DNAJC11: variants seen among roughly 807,000 people sequenced by gnomAD.
DNAJC11 encodes the protein dnaJ homolog subfamily C member 11.
Under a neutral mutation model 78.6 loss-of-function variants are expected in DNAJC11, and 15 were observed. That is an observed-to-expected ratio of 0.19 (90% CI 0.13 to 0.29). The LOEUF is 0.29. DNAJC11 is among the 10% of genes least tolerant of loss of function. The pLI is 1.00. For synonymous variants in DNAJC11, 292 were observed against 272.1 expected (o/e 1.07, Z -0.72); for missense variants, 547 against 709.6 (o/e 0.77, Z 2.60).
chr1:6,673,738 C>T (rs142334405), intron 3 of DNAJC11, among the ~76,000 whole-genome samples: 109 of 152,254 alleles, frequency 7.2e-4, no homozygotes, highest in Middle Eastern at 3.4e-3. Flanking sequence ...AGGATCCAAT[C>T]CAAGATTCCA....
At position 6,691,650 on chromosome 1, in the gene DNAJC11, G is replaced by A. The variant is rs1642748119; in HGVS notation, c.72+10079C>T. Among the ~76,000 whole-genome samples the A allele has an allele frequency of 2.0e-5, 3 of 152,128 alleles. 1 individual carries two copies. Among genetic ancestry groups the A allele is most frequent in the Admixed American group, 2.0e-4 (3 of 15,278 alleles). ...ATCTCTATTGGCTTGGCATTTTACT[G>A]CTGAAGAATTTTCTGGCTCCTGTCA... On this transcript the variant is annotated intron_variant, in intron 1 of 15. Transcript: ENST00000377577.
chr1:6,640,124 T>TG (rs1359440340), intron 10 of DNAJC11, 67 bp from the exon 11 acceptor site: 27 of 1,469,652 alleles, frequency 1.8e-5, no homozygotes, highest in Non-Finnish European at 2.3e-5. Flanking sequence ...GGAAGGGCAA[T>TG]GGGGTGTCAG....
intron 3 of DNAJC11, chr1:6,668,132 ATTTC>A (rs967784024): frequency 1.2e-4 from 34 of 283,408 alleles, no homozygotes; most frequent in Middle Eastern, 1.1e-3. Context: ...CACCTTATGA[ATTTC>A]TTTCTTTTTT....
In DNAJC11 at chr1:6,637,348, CA is replaced by C. The variant is rs767722137; in HGVS notation, c.1382-9del. ...CATTGACGATGATGAGGCCTAAGGA[CA>C]GACTCCGAGTAGAGGAAGGCCTCCT... On this transcript the variant is annotated splice_polypyrimidine_tract_variant and intron_variant, in intron 13 of 15. Transcript: ENST00000377577. The C allele has an allele frequency of 6.2e-7, 1 of 1,614,232 alleles. No homozygotes were observed. Among genetic ancestry groups the C allele is most frequent in the Non-Finnish European group, 8.5e-7 (1 of 1,180,040 alleles).
chr1:6,664,988 G>C (rs1642273138), intron 4 of DNAJC11, among the ~76,000 whole-genome samples: 1 of 152,198 alleles, frequency 6.6e-6, no homozygotes, highest in African/African-American at 2.4e-5. Context: ...TCACGCACGG[G>C]ATACAGCCTG....
chr1:6,688,856 C>T (rs1234443577), intron 1 of DNAJC11, among the ~76,000 whole-genome samples: 1 of 152,198 alleles, frequency 6.6e-6, no homozygotes, highest in Non-Finnish European at 1.5e-5. Flanking sequence ...CTAATTTGGA[C>T]ACCCATCTGT....
At chr1:6,647,724 A>G (rs1287801642) in intron 7 of DNAJC11, among the ~76,000 whole-genome samples, 2 of 152,092 alleles carry the variant, frequency 1.3e-5, no homozygotes, top group Non-Finnish European at 2.9e-5. Flanking sequence ...AGGCTGAGGC[A>G]GAATAGCTTG....
intron 4 of DNAJC11, among the ~76,000 whole-genome samples, chr1:6,665,137 G>A (rs1272640233): frequency 2.0e-5 from 3 of 152,090 alleles, no homozygotes; most frequent in Non-Finnish European, 2.9e-5. Flanking sequence ...GTGCAATCAC[G>A]GCTCACTGCA....
intron 1 of DNAJC11, among the ~76,000 whole-genome samples, chr1:6,689,556 G>A (rs1347161410): frequency 1.3e-5 from 2 of 152,154 alleles, no homozygotes; most frequent in East Asian, 3.9e-4. Flanking sequence ...GGGATGCTGA[G>A]GCGAGCAGAT....
chr1:6,662,121 GTTTTTTGTTTTTTGT>G (rs1557476661), intron 4 of DNAJC11, among the ~76,000 whole-genome samples: 4 of 48,190 alleles, frequency 8.3e-5, no homozygotes, highest in African/African-American at 2.4e-4. Flanking sequence ...CCAGTTAATT[GTTTTTTGTTTTTTGT>G]TTTTTTTTTT....
intron 4 of DNAJC11, among the ~76,000 whole-genome samples, chr1:6,659,577 T>C (rs6577587): frequency 0.36 from 55,098 of 151,104 alleles, 10,354 homozygotes; most frequent in African/African-American, 0.43. Context: ...CTGGCCAATA[T>C]AGTAAAACCT....
intron 1 of DNAJC11, among the ~76,000 whole-genome samples, chr1:6,699,082 G>A (rs1046175211): frequency 6.6e-6 from 1 of 150,984 alleles, no homozygotes; most frequent in African/African-American, 2.4e-5. Flanking sequence ...GAGGTGGGAG[G>A]ATCGCTTGAG....
chr1:6,682,712 G>C (rs1642573064), intron 1 of DNAJC11, among the ~76,000 whole-genome samples: 4 of 152,238 alleles, frequency 2.6e-5, no homozygotes, highest in African/African-American at 9.6e-5. Context: ...CAGATTGCTT[G>C]AGCCCACAGG....
intron 1 of DNAJC11, among the ~76,000 whole-genome samples, chr1:6,693,336 T>C (rs1642777559): frequency 6.6e-6 from 1 of 152,148 alleles, no homozygotes; most frequent in African/African-American, 2.4e-5. Context: ...GTCTTTCACA[T>C]TTTTAAATTT....
intron 4 of DNAJC11, among the ~76,000 whole-genome samples, chr1:6,662,339 G>A (rs181531579): frequency 1.2e-3 from 175 of 151,980 alleles, no homozygotes; most frequent in African/African-American, 4.1e-3. Context: ...GATTACAGGC[G>A]CCTGCCACCA....
At chr1:6,672,330 T>A (rs528171925) in intron 3 of DNAJC11, among the ~76,000 whole-genome samples, 2 of 152,126 alleles carry the variant, frequency 1.3e-5, no homozygotes, top group Non-Finnish European at 2.9e-5. Context: ...ACTCAAACCC[T>A]GTAGGAGAAA....
chr1:6,644,492 G>C, intron 10 of DNAJC11, 66 bp downstream of exon 10: 1 of 1,168,306 alleles, frequency 8.6e-7, no homozygotes, highest in Non-Finnish European at 1.3e-6. Context: ...GCCTTAACTT[G>C]GGTAAAGCCT....
intron 10 of DNAJC11, 128 bp from the exon 11 acceptor site, chr1:6,640,185 C>T: frequency 8.5e-7 from 1 of 1,173,354 alleles, no homozygotes; most frequent in South Asian, 1.7e-5. Context: ...AAGGAGCCTG[C>T]AGTCTGCTCC....
chr1:6,635,966 G>T, intron 15 of DNAJC11, 151 bp downstream of exon 15: 1 of 1,221,204 alleles, frequency 8.2e-7, no homozygotes, highest in Non-Finnish European at 1.1e-6. Flanking sequence ...CATGGGCTCT[G>T]AGTGAATCAT....
Sources: gnomAD v4.1 joint callset for allele counts (sites outside exome capture counted in the v4.1 genomes callset) on GRCh38, gnomAD v4.1.1 for gene constraint, MANE v1.5 for transcripts, NCBI Gene and HGNC (gene_info 2026-07-23, HGNC 2026-07-21) for gene names.